Variants in PSMA2 observed in about 807,000 individuals in gnomAD.
The protein encoded by PSMA2 is proteasome 20S subunit alpha 2, also known as proteasome subunit alpha type-2.
PSMA2 carries 2 observed loss-of-function variants against 35.9 expected under a neutral mutation model. That is an observed-to-expected ratio of 0.06 (90% CI 0.02 to 0.18). The LOEUF is 0.18. PSMA2 is among the 10% of genes least tolerant of loss of function. The pLI is 1.00. For missense variants in PSMA2, 126 were observed against 278.8 expected (o/e 0.45, Z 3.90); for synonymous variants, 97 against 98.2 (o/e 0.99, Z 0.07).
chr7:42,931,074 G>A (rs1454002411), intron 1 of PSMA2: 2 of 369,838 alleles, frequency 5.4e-6, no homozygotes, highest in Non-Finnish European at 1.1e-5. Flanking sequence ...AACCCAGTTT[G>A]AATGTCAACT....
At chr7:42,930,703 C>T (rs569319770) in intron 1 of PSMA2, among the ~76,000 whole-genome samples, 1 of 151,504 alleles carries the variant, frequency 6.6e-6, no homozygotes, top group African/African-American at 2.4e-5. Flanking sequence ...AGACCTCATG[C>T]CTTAAAAAAA....
At chr7:42,931,495 C>G (rs1300001580) in intron 1 of PSMA2, among the ~76,000 whole-genome samples, 2 of 149,276 alleles carry the variant, frequency 1.3e-5, no homozygotes, top group Non-Finnish European at 3.0e-5. Flanking sequence ...ACGTTCCCCC[C>G]AGTCCACCAA....
chr7:42,925,848 T>G (rs1207490747), intron 3 of PSMA2, among the ~76,000 whole-genome samples: 1 of 152,246 alleles, frequency 6.6e-6, no homozygotes, highest in Non-Finnish European at 1.5e-5. Context: ...CTTGTTGCGT[T>G]GATTCACTGA....
rs76732605 is a variant in PSMA2, at chr7:42,926,685, G to A, written c.119-17C>T. 70,102 of 1,583,500 alleles carry A rather than the reference G, an allele frequency of 0.044. 1,915 individuals are homozygous for A. The highest frequency in any genetic ancestry group is 0.052 in the Non-Finnish European group (61,268 of 1,169,540). ...CATTTGCAGCTTAAAAAAAAAGAGA[G>A]AGACATAAATGTTTAATCATTTTTA... is the stretch of plus-strand genomic sequence containing the variant. On this transcript the variant is annotated splice_polypyrimidine_tract_variant and intron_variant, in intron 2 of 7. Coordinates refer to ENST00000223321, the MANE Select transcript of PSMA2 (RefSeq NM_002787.5).
In PSMA2 at chr7:42,924,353, CAAAAAAAAAAAA is replaced by C. The variant is rs58198756; in HGVS notation, c.374+310_374+321del. On this transcript the variant is annotated intron_variant, in intron 4 of 7. Coordinates refer to ENST00000223321, the MANE Select transcript of PSMA2 (RefSeq NM_002787.5). ...TGGGCGACAGAGTGAGACTCTGACTCAAAAAAAAAAAAAAAAAAAAAAAAAAGAAAAATTTAA... is the reference window on the plus strand; with the variant it reads ...TGGGCGACAGAGTGAGACTCTGACTCAAAAAAAAAAAAAAGAAAAATTTAA... Among the ~76,000 whole-genome samples, 9 of 69,418 alleles carry C rather than the reference CAAAAAAAAAAAA, an allele frequency of 1.3e-4. No individual in the cohort carries two copies. The South Asian group carries it at 2.5e-3, about 19-fold the overall frequency. 45.5% of individuals were successfully genotyped at this position (69,418 alleles called of 152,430 possible). A position where few individuals can be genotyped will look rare whatever the true frequency, so the allele number is the denominator to read the frequency against.
chr7:42,922,916 G>A (rs1786147866), intron 5 of PSMA2, among the ~76,000 whole-genome samples: 1 of 152,122 alleles, frequency 6.6e-6, no homozygotes, highest in Non-Finnish European at 1.5e-5. Flanking sequence ...GCAAAACACT[G>A]AATTCAAGAT....
chr7:42,916,914 G>T lies in PSMA2; in HGVS notation c.*660C>A, dbSNP rs1786039526. On this transcript the variant is annotated 3_prime_UTR_variant, in exon 8 of 8. Coordinates refer to ENST00000223321, the MANE Select transcript of PSMA2 (RefSeq NM_002787.5). ...TTCAAGCACTTATGCTCATCCTTGA[G>T]TTTAAAAAGTCTAACAAAATCTAAG... The T allele has an allele frequency of 6.6e-6, 1 of 152,128 alleles. No homozygotes were observed. Among genetic ancestry groups the T allele is most frequent in the African/African-American group, 2.4e-5 (1 of 41,426 alleles). 9.4% of individuals were successfully genotyped at this position (152,128 alleles called of 1,614,324 possible). A position where few individuals can be genotyped will look rare whatever the true frequency, so the allele number is the denominator to read the frequency against.
chr7:42,926,668 G>T lies in PSMA2; in HGVS notation c.119C>A (p.Ala40Asp). The T allele has an allele frequency of 6.3e-7, 1 of 1,585,396 alleles. No individual in the cohort carries two copies. The highest frequency in any genetic ancestry group is 1.9e-5 in the Admixed American group (1 of 52,268). The change falls in exon 3 of 8, where the codon GCT becomes GAT. Residue 40 changes from alanine to aspartate, a missense_variant and splice_region_variant. This residue lies in a region of PSMA2 where 78 missense variants were observed against 151.1 expected (regional missense o/e 0.52). Transcript: ENST00000223321. ...AGTTGCTAATACCACACCATTTGCA[G>T]CTTAAAAAAAAAGAGAGAGACATAA... ...AGGAPSVGIK[A>D]ANGVVLATEK...
chr7:42,919,756 C>T, intron 6 of PSMA2: 1 of 627,572 alleles, frequency 1.6e-6, no homozygotes, highest in South Asian at 1.6e-5. Context: ...GAAAGAATTT[C>T]TTGTTGCAGG....
chr7:42,923,542 A>T, intron 4 of PSMA2, 136 bp from the exon 5 acceptor site: 1 of 657,432 alleles, frequency 1.5e-6, no homozygotes, highest in Non-Finnish European at 2.7e-6. Context: ...GAAAGTATTT[A>T]ACACCTTTCT....
intron 6 of PSMA2, chr7:42,919,992 G>A: frequency 1.4e-6 from 1 of 728,664 alleles, no homozygotes; most frequent in Non-Finnish European, 2.6e-6. Context: ...AGCTGGCAAA[G>A]CCAAAGATTG....
chr7:42,922,643 T>C lies in PSMA2; in HGVS notation c.456+682A>G, dbSNP rs186111374. Among the ~76,000 whole-genome samples, 5 of 152,296 alleles carry C rather than the reference T, an allele frequency of 3.3e-5. No homozygotes were observed. In the East Asian group the frequency reaches 9.6e-4, roughly 29 times the overall value. On this transcript the variant is annotated intron_variant, in intron 5 of 7. Transcript: ENST00000223321. Reference sequence around the variant, plus strand: ...CAAAATACTTATTTTTCTGATTTAATTAACAACCAAAATATTTTTCTTTTG... The same window carrying C: ...CAAAATACTTATTTTTCTGATTTAACTAACAACCAAAATATTTTTCTTTTG...
chr7:42,930,229 A>G (rs1349595927), intron 1 of PSMA2, among the ~76,000 whole-genome samples: 6 of 4,474 alleles, frequency 1.3e-3, no homozygotes, highest in African/African-American at 2.0e-3. Flanking sequence ...ACACACGCAC[A>G]CACACACACA....
chr7:42,923,120 T>C (rs56333364), intron 5 of PSMA2, among the ~76,000 whole-genome samples: 12,767 of 152,176 alleles, frequency 0.084, 624 homozygotes, highest in Middle Eastern at 0.13. Context: ...CAAAAGAGGG[T>C]AGAACTAATA....
At chr7:42,922,673 C>G (rs1786143527) in intron 5 of PSMA2, among the ~76,000 whole-genome samples, 1 of 152,092 alleles carries the variant, frequency 6.6e-6, no homozygotes, top group South Asian at 2.1e-4. Context: ...CTTTTGCCAT[C>G]TCAGGTTATA....
In PSMA2 at chr7:42,923,346, A is replaced by G. The variant is rs1714172841; in HGVS notation, c.435T>C (p.Tyr145=). The part of the protein sequence containing the change: ...LICGWNEGRP[Y]LFQSDPSGAY... ...TTACAGATGGATCTGACTGAAATAA[A>G]TATGGTCGTCCCTCATTCCAACCAC... The change falls in exon 5 of 8, where the codon TAT becomes TAC. Residue 145 remains tyrosine (Y), a synonymous_variant. Coordinates refer to ENST00000223321, the MANE Select transcript of PSMA2 (RefSeq NM_002787.5). The G allele has an allele frequency of 1.9e-6, 3 of 1,610,020 alleles. No homozygotes were observed. Among genetic ancestry groups the G allele is most frequent in the South Asian group, 1.1e-5 (1 of 90,998 alleles).
chr7:42,917,948 T>A, intron 6 of PSMA2, 113 bp from the exon 7 acceptor site: 1 of 707,076 alleles, frequency 1.4e-6, no homozygotes, highest in Non-Finnish European at 2.3e-6. Flanking sequence ...TTAAAAATAC[T>A]AAATTACACA....
chr7:42,932,166 C>G lies in PSMA2; in HGVS notation c.-8G>C, dbSNP rs1014161898. 1 of 1,613,998 alleles carries G rather than the reference C, an allele frequency of 6.2e-7. No individual in the cohort carries two copies. Among genetic ancestry groups the G allele is most frequent in the Non-Finnish European group, 8.5e-7 (1 of 1,180,054 alleles). Reference sequence around the variant, plus strand: ...GTACCCGCGCTCCGCCATCTTTACCCGAAGAGCCAAAGCACAGCCGCACAC... The same window carrying G: ...GTACCCGCGCTCCGCCATCTTTACCGGAAGAGCCAAAGCACAGCCGCACAC... On this transcript the variant is annotated 5_prime_UTR_variant, in exon 1 of 8. Coordinates refer to ENST00000223321, the MANE Select transcript of PSMA2 (RefSeq NM_002787.5).
intron 6 of PSMA2, chr7:42,921,086 A>T (rs1786122436): frequency 6.6e-6 from 1 of 152,226 alleles, no homozygotes; most frequent in Admixed American, 6.5e-5. Context: ...GGTGTCCAGT[A>T]GTACAGTCAG....
Sources: allele counts gnomAD v4.1 joint callset (sites outside exome capture counted in the v4.1 genomes callset), GRCh38; gene constraint gnomAD v4.1.1; regional missense constraint gnomAD v4.1.1; transcripts MANE v1.5; gene names NCBI Gene and HGNC (gene_info 2026-07-23, HGNC 2026-07-21).